Variants in DMRT1 observed in about 807,000 individuals in gnomAD.
DMRT1 encodes the protein doublesex- and mab-3-related transcription factor 1.
In DMRT1, 7 loss-of-function variants were observed where a neutral mutation model predicts 32.3. That is an observed-to-expected ratio of 0.22 (90% CI 0.12 to 0.41). DMRT1 has a LOEUF of 0.41. DMRT1 is among the 10% of genes least tolerant of loss of function. The probability of loss-of-function intolerance (pLI) is 1.00; values close to 1 mark genes in which losing one functional copy is unlikely to be tolerated. For missense variants in DMRT1, 625 were observed against 500.5 expected, an observed-to-expected ratio of 1.25 and a Z score of -2.37; for synonymous variants, 278 against 206.1, an observed-to-expected ratio of 1.35 and a Z score of -2.99.
At chr9:934,899 G>T (rs1362222148) in intron 4 of DMRT1, among the ~76,000 whole-genome samples, 1 of 152,028 alleles carries the variant, frequency 6.6e-6, no homozygotes, top group Admixed American at 6.6e-5. Flanking sequence ...TATAAAATCG[G>T]CAGTTGTTGA....
chr9:850,532 TA>T (rs1299590856), intron 2 of DMRT1, among the ~76,000 whole-genome samples: 8 of 152,252 alleles, frequency 5.3e-5, no homozygotes, highest in Non-Finnish European at 4.4e-5. Flanking sequence ...ATTGTTCTTC[TA>T]ACCCCAACCT....
At chr9:866,602 A>G (rs1346073740) in intron 2 of DMRT1, among the ~76,000 whole-genome samples, 1 of 152,244 alleles carries the variant, frequency 6.6e-6, no homozygotes, top group Non-Finnish European at 1.5e-5. Flanking sequence ...AAGCAACGAG[A>G]GAGTCTCAAG....
intron 3 of DMRT1, among the ~76,000 whole-genome samples, chr9:895,752 A>T (rs73374778): frequency 0.041 from 6,164 of 151,020 alleles, 178 homozygotes; most frequent in African/African-American, 0.087. Flanking sequence ...AAGTACAGTC[A>T]CCATGCTGTA....
At chr9:927,589 G>T (rs1300550765) in intron 4 of DMRT1, among the ~76,000 whole-genome samples, 1 of 152,188 alleles carries the variant, frequency 6.6e-6, no homozygotes, top group South Asian at 2.1e-4. Flanking sequence ...TCTGAACACT[G>T]AAAGTTAGCT....
chr9:889,899 A>C (rs1337625318), intron 2 of DMRT1, among the ~76,000 whole-genome samples: 1 of 152,204 alleles, frequency 6.6e-6, no homozygotes, highest in Non-Finnish European at 1.5e-5. Context: ...TTGTATAGGA[A>C]TGAACCATTA....
At chr9:886,734 G>A (rs566422216) in intron 2 of DMRT1, among the ~76,000 whole-genome samples, 12 of 152,228 alleles carry the variant, frequency 7.9e-5, no homozygotes, top group African/African-American at 2.6e-4. Context: ...TGGCGTATCA[G>A]TTGGAAATAT....
intron 4 of DMRT1, among the ~76,000 whole-genome samples, chr9:942,694 T>G (rs1053929873): frequency 6.6e-6 from 1 of 152,238 alleles, no homozygotes; most frequent in Non-Finnish European, 1.5e-5. Context: ...GTTTATTTTC[T>G]TGTGTTCATA....
At chr9:893,826 A>C in intron 2 of DMRT1, 86 bp from the exon 3 acceptor site, 1 of 1,272,160 alleles carries the variant, frequency 7.9e-7, no homozygotes, top group South Asian at 1.2e-5. Flanking sequence ...CTTGCTCCGC[A>C]GGTCTTGGGT....
At chr9:940,475 C>G (rs1242428118) in intron 4 of DMRT1, among the ~76,000 whole-genome samples, 1 of 150,404 alleles carries the variant, frequency 6.6e-6, no homozygotes, top group African/African-American at 2.5e-5. Context: ...AACAAATGAG[C>G]TAGGAAAACT....
intron 4 of DMRT1, among the ~76,000 whole-genome samples, chr9:935,205 A>G (rs1278422525): frequency 1.3e-5 from 2 of 152,190 alleles, no homozygotes; most frequent in Non-Finnish European, 2.9e-5. Context: ...AGCTGCTTAT[A>G]TGTAAGAGAT....
At chr9:964,744 CT>C (rs1399724932) in intron 4 of DMRT1, among the ~76,000 whole-genome samples, 2 of 152,152 alleles carry the variant, frequency 1.3e-5, no homozygotes, top group Non-Finnish European at 1.5e-5. Flanking sequence ...CTCAATTATT[CT>C]TCCTTTCTTC....
intron 2 of DMRT1, among the ~76,000 whole-genome samples, chr9:853,240 CTGATGCATCAT>C (rs1374880782): frequency 4.0e-5 from 6 of 151,738 alleles, no homozygotes; most frequent in Admixed American, 2.6e-4. Flanking sequence ...TGAACTTACA[CTGATGCATCAT>C]TGTCATCCAG....
At chr9:895,255 C>G (rs941695880) in intron 3 of DMRT1, among the ~76,000 whole-genome samples, 2 of 152,072 alleles carry the variant, frequency 1.3e-5, no homozygotes, top group Non-Finnish European at 2.9e-5. Context: ...TCATCATGCC[C>G]GTTTGTTAGC....
rs912784520 is a variant in DMRT1, at chr9:908,654, CTT to C, written c.823-8107_823-8106del. 2.0e-5 allele frequency among the ~76,000 whole-genome samples: 3 copies of C among 151,646 alleles called. No homozygotes were observed. The Admixed American group carries it at 2.0e-4, about 10-fold the overall frequency. Reference sequence around the variant, plus strand: ...ATTTTTGGAGCTACTGTAATACAAACTTTCCTTTGGTTCTTTTTTTTTGAAAA... The same window carrying C: ...ATTTTTGGAGCTACTGTAATACAAACTCCTTTGGTTCTTTTTTTTTGAAAA... On this transcript the variant is annotated intron_variant, in intron 3 of 4. Transcript: ENST00000382276.
Position 885,151 on chromosome 9 carries a change from C to T in DMRT1, c.539-8761C>T, listed in dbSNP as rs575205547. 9.9e-5 allele frequency among the ~76,000 whole-genome samples: 15 copies of T among 152,264 alleles called. 1 individual carries two copies. The East Asian group carries it at 2.9e-3, about 29-fold the overall frequency. ...ATACAGATGGGCAGGCCGTGGGGCT[C>T]CGACCCCATGGCAGTGTCTAGGGGT... On this transcript the variant is annotated intron_variant, in intron 2 of 4. Coordinates refer to ENST00000382276, the MANE Select transcript of DMRT1 (RefSeq NM_021951.3).
intron 3 of DMRT1, among the ~76,000 whole-genome samples, chr9:911,185 G>T (rs1817961042): frequency 6.6e-6 from 1 of 152,140 alleles, no homozygotes; most frequent in African/African-American, 2.4e-5. Context: ...GTGACAGTCA[G>T]CAGCATCCCT....
intron 2 of DMRT1, among the ~76,000 whole-genome samples, chr9:890,860 A>G (rs1817118789): frequency 6.6e-6 from 1 of 151,870 alleles, no homozygotes; most frequent in East Asian, 1.9e-4. Flanking sequence ...GTCTACAGGT[A>G]CGCACCACCA....
intron 4 of DMRT1, among the ~76,000 whole-genome samples, chr9:927,602 A>G (rs986787612): frequency 1.3e-5 from 2 of 152,162 alleles, no homozygotes; most frequent in South Asian, 2.1e-4. Context: ...AGTTAGCTTT[A>G]TATGTATTTA....
intron 4 of DMRT1, among the ~76,000 whole-genome samples, chr9:930,261 G>A (rs1040875161): frequency 2.6e-5 from 4 of 152,070 alleles, no homozygotes; most frequent in African/African-American, 7.2e-5. Context: ...CCAGGCTAGA[G>A]TGCAGTGGCA....
Sources: gnomAD v4.1 joint callset for allele counts (sites outside exome capture counted in the v4.1 genomes callset) on GRCh38, gnomAD v4.1.1 for gene constraint, MANE v1.5 for transcripts, NCBI Gene and HGNC (gene_info 2026-07-23, HGNC 2026-07-21) for gene names.